Variants in TBC1D1 observed in about 807,000 individuals in gnomAD.
TBC1D1 encodes TBC1 domain family member 1.
In TBC1D1, 89 loss-of-function variants were observed where a neutral mutation model predicts 125.6. The observed-to-expected ratio is 0.71, with a 90% CI of 0.60 to 0.85. The LOEUF (loss-of-function observed/expected upper bound fraction) is 0.85, where lower values mean the gene tolerates loss of function less well. TBC1D1 is among the 40% of genes least tolerant of loss of function. TBC1D1 has a pLI of 0.00. For missense variants in TBC1D1, 1,377 were observed against 1,469.2 expected, an observed-to-expected ratio of 0.94 and a Z score of 1.03; for synonymous variants, 565 against 564.1, an observed-to-expected ratio of 1.00 and a Z score of -0.02.
intron 5 of TBC1D1, 48 bp downstream of exon 5, chr4:38,020,743 A>ATT: frequency 6.5e-7 from 1 of 1,528,364 alleles, no homozygotes; most frequent in Non-Finnish European, 9.0e-7. Context: ...TTTACAAGGA[A>ATT]TTTTAGCTCC....
intron 7 of TBC1D1, among the ~76,000 whole-genome samples, chr4:38,033,342 C>T (rs1485861298): frequency 6.6e-6 from 1 of 151,734 alleles, no homozygotes; most frequent in Non-Finnish European, 1.5e-5. Flanking sequence ...GCTCAGAGGC[C>T]TCATAATTCC....
intron 6 of TBC1D1, among the ~76,000 whole-genome samples, chr4:38,027,160 G>A (rs538158524): frequency 2.0e-5 from 3 of 152,326 alleles, no homozygotes; most frequent in South Asian, 2.1e-4. Context: ...GTGGAATGAC[G>A]TAAGCTCTCT....
At chr4:37,922,950 TTC>T (rs201088828) in intron 2 of TBC1D1, among the ~76,000 whole-genome samples, 3 of 151,972 alleles carry the variant, frequency 2.0e-5, no homozygotes, top group South Asian at 2.1e-4. Context: ...GGTGGCAAAG[TTC>T]TCTCTCTTTT....
chr4:38,114,427 A>G (rs893929120), intron 15 of TBC1D1, among the ~76,000 whole-genome samples: 1 of 152,242 alleles, frequency 6.6e-6, no homozygotes, highest in African/African-American at 2.4e-5. Flanking sequence ...AAGCTGAGGA[A>G]GAGCCCATGA....
At chr4:37,957,586 A>G (rs1409504599) in intron 2 of TBC1D1, among the ~76,000 whole-genome samples, 1 of 152,230 alleles carries the variant, frequency 6.6e-6, no homozygotes. Flanking sequence ...AGCCTCAGCA[A>G]CAGAGCAAGG....
intron 19 of TBC1D1, among the ~76,000 whole-genome samples, chr4:38,136,663 T>C (rs1379648967): frequency 6.6e-6 from 1 of 152,240 alleles, no homozygotes; most frequent in Non-Finnish European, 1.5e-5. Flanking sequence ...GAAATCGATT[T>C]GTGCGTTTAA....
intron 19 of TBC1D1, among the ~76,000 whole-genome samples, chr4:38,136,204 A>C (rs1392519791): frequency 1.3e-5 from 2 of 152,178 alleles, no homozygotes; most frequent in Admixed American, 6.5e-5. Flanking sequence ...CAAATTAGAG[A>C]GACGAGGGAC....
At position 38,137,988 on chromosome 4, in the gene TBC1D1, G is replaced by C. The variant is rs1766911008; in HGVS notation, c.*653G>C. 6.6e-6 allele frequency: 1 copy of C among 152,582 alleles called. No individual in the cohort carries two copies. Among genetic ancestry groups the C allele is most frequent in the South Asian group, 2.1e-4 (1 of 4,828 alleles). 9.5% of individuals were successfully genotyped at this position (152,582 alleles called of 1,614,324 possible). On this transcript the variant is annotated 3_prime_UTR_variant, in exon 20 of 20. Transcript: ENST00000261439. ...CATTTGAGGACTTTGTTCTACATCA[G>C]ATTTTACTATTTGAATGTTTAAGAT... is the stretch of plus-strand genomic sequence containing the variant.
intron 2 of TBC1D1, among the ~76,000 whole-genome samples, chr4:37,935,960 C>T (rs1724304055): frequency 6.6e-6 from 1 of 152,110 alleles, no homozygotes; most frequent in Admixed American, 6.5e-5. Flanking sequence ...TCTAACTCAC[C>T]CCTCAGATCT....
At chr4:38,101,264 C>CT (rs945340772) in intron 14 of TBC1D1, among the ~76,000 whole-genome samples, 68 of 152,252 alleles carry the variant, frequency 4.5e-4, no homozygotes, top group East Asian at 2.5e-3. Flanking sequence ...AAAGCGGCCA[C>CT]TTTTTTTCCC....
At chr4:37,909,289 C>A (rs1718036325) in intron 2 of TBC1D1, among the ~76,000 whole-genome samples, 1 of 152,200 alleles carries the variant, frequency 6.6e-6, no homozygotes, top group Non-Finnish European at 1.5e-5. Context: ...TCCCCCGTAT[C>A]AAAAGCCATT....
chr4:38,004,930 T>C (rs144110874), intron 2 of TBC1D1, among the ~76,000 whole-genome samples: 11 of 152,346 alleles, frequency 7.2e-5, no homozygotes, highest in African/African-American at 2.4e-4. Flanking sequence ...GTTAGCCCTT[T>C]TATGCCAAGG....
At chr4:38,003,868 C>CA (rs5857592) in intron 2 of TBC1D1, among the ~76,000 whole-genome samples, 265 of 125,384 alleles carry the variant, frequency 2.1e-3, no homozygotes, top group Admixed American at 3.6e-3. Context: ...GACCCTGTCT[C>CA]AAAAAAAAAA....
At chr4:38,005,706 C>G (rs538278941) in intron 2 of TBC1D1, among the ~76,000 whole-genome samples, 2 of 152,186 alleles carry the variant, frequency 1.3e-5, no homozygotes, top group Non-Finnish European at 2.9e-5. Context: ...CCAAAAAATT[C>G]CTTTGCTGTG....
At chr4:37,928,968 G>A (rs1374749313) in intron 2 of TBC1D1, among the ~76,000 whole-genome samples, 2 of 152,202 alleles carry the variant, frequency 1.3e-5, no homozygotes, top group Non-Finnish European at 2.9e-5. Flanking sequence ...CTCGGCTTAG[G>A]AACTGTGGGT....
chr4:38,037,939 G>A (rs573259572), intron 8 of TBC1D1, among the ~76,000 whole-genome samples: 88 of 152,336 alleles, frequency 5.8e-4, no homozygotes, highest in African/African-American at 2.0e-3. Flanking sequence ...CAATGGACTT[G>A]TCGTTTCCAC....
chr4:37,947,095 C>G, intron 2 of TBC1D1, among the ~76,000 whole-genome samples: 1 of 152,168 alleles, frequency 6.6e-6, no homozygotes, highest in South Asian at 2.1e-4. Flanking sequence ...GCAGACATCT[C>G]CCTTACCCGC....
intron 2 of TBC1D1, among the ~76,000 whole-genome samples, chr4:37,972,002 T>G (rs865952695): frequency 8.5e-5 from 13 of 152,344 alleles, no homozygotes; most frequent in Middle Eastern, 3.4e-3. Flanking sequence ...ATTTGACCTT[T>G]GCTCCAAAAC....
At chr4:37,969,857 T>G (rs1293510311) in intron 2 of TBC1D1, among the ~76,000 whole-genome samples, 1 of 152,232 alleles carries the variant, frequency 6.6e-6, no homozygotes, top group Non-Finnish European at 1.5e-5. Flanking sequence ...CAAAACATTG[T>G]CATCACTGCA....
Sources: gnomAD v4.1 joint callset for allele counts (sites outside exome capture counted in the v4.1 genomes callset) on GRCh38, gnomAD v4.1.1 for gene constraint, MANE v1.5 for transcripts, NCBI Gene and HGNC (gene_info 2026-07-23, HGNC 2026-07-21) for gene names.